Variants in NKAIN3 observed in about 807,000 individuals in gnomAD.
NKAIN3 encodes the protein sodium/potassium-transporting ATPase subunit beta-1-interacting protein 3.
NKAIN3 carries 25 observed loss-of-function variants against 30.2 expected under a neutral mutation model. That is an observed-to-expected ratio of 0.83 (90% CI 0.60 to 1.16). The LOEUF (loss-of-function observed/expected upper bound fraction) is 1.16, where lower values mean the gene tolerates loss of function less well. Ranked by LOEUF, NKAIN3 falls within the 50% of genes most tolerant of loss-of-function variation. NKAIN3 has a pLI of 0.00. For synonymous variants in NKAIN3, 91 were observed against 89.6 expected (o/e 1.02, Z -0.09); for missense variants, 225 against 254.1 (o/e 0.89, Z 0.78).
intron 4 of NKAIN3, among the ~76,000 whole-genome samples, chr8:62,906,359 T>G (rs1443084814): frequency 6.6e-6 from 1 of 152,240 alleles, no homozygotes. Context: ...ATGTTCAACT[T>G]AATGACTTTC....
chr8:62,309,354 A>C (rs760562623), intron 1 of NKAIN3, among the ~76,000 whole-genome samples: 9 of 150,606 alleles, frequency 6.0e-5, no homozygotes, highest in Non-Finnish European at 1.0e-4. Flanking sequence ...TTTACTGAGA[A>C]GGAAGTGTCC....
chr8:62,620,293 A>G (rs1379374543), intron 3 of NKAIN3, among the ~76,000 whole-genome samples: 1 of 152,094 alleles, frequency 6.6e-6, no homozygotes, highest in Non-Finnish European at 1.5e-5. Context: ...GGGTCTTATG[A>G]TCTTCACAGG....
intron 1 of NKAIN3, among the ~76,000 whole-genome samples, chr8:62,548,236 A>G (rs1809078754): frequency 6.6e-6 from 1 of 152,228 alleles, no homozygotes; most frequent in Non-Finnish European, 1.5e-5. Context: ...GCTAGAGTTG[A>G]ACTTTAATAA....
At chr8:62,600,167 AT>A (rs939173354) in intron 3 of NKAIN3, among the ~76,000 whole-genome samples, 55 of 152,140 alleles carry the variant, frequency 3.6e-4, no homozygotes, top group Admixed American at 3.0e-3. Context: ...TAATTGACTT[AT>A]CTTGAAAGGT....
chr8:62,568,906 C>T (rs998293363), intron 1 of NKAIN3, among the ~76,000 whole-genome samples: 12 of 152,148 alleles, frequency 7.9e-5, no homozygotes, highest in African/African-American at 2.7e-4. Context: ...ACAACCTAGA[C>T]AATCACACTT....
chr8:62,884,795 T>C (rs1464987430), intron 4 of NKAIN3, among the ~76,000 whole-genome samples: 2 of 152,238 alleles, frequency 1.3e-5, no homozygotes, highest in Non-Finnish European at 2.9e-5. Flanking sequence ...ATTGTCTTTT[T>C]GATGCCTATG....
At chr8:62,290,539 C>T (rs71392749) in intron 1 of NKAIN3, among the ~76,000 whole-genome samples, 1 of 152,094 alleles carries the variant, frequency 6.6e-6, no homozygotes, top group South Asian at 2.1e-4. Flanking sequence ...TGCTGGATTA[C>T]GTTTATTGAT....
intron 1 of NKAIN3, among the ~76,000 whole-genome samples, chr8:62,309,068 C>T (rs372189463): frequency 6.7e-6 from 1 of 150,172 alleles, no homozygotes; most frequent in East Asian, 1.9e-4. Context: ...AAAATAAAAC[C>T]ATAATTTTAA....
chr8:62,615,545 A>G (rs1328062797), intron 3 of NKAIN3, among the ~76,000 whole-genome samples: 1 of 152,084 alleles, frequency 6.6e-6, no homozygotes, highest in Non-Finnish European at 1.5e-5. Flanking sequence ...ACTAGAACTC[A>G]CCTAAGAGTT....
intron 1 of NKAIN3, among the ~76,000 whole-genome samples, chr8:62,534,158 G>A (rs372791248): frequency 1.1e-3 from 160 of 152,250 alleles, no homozygotes; most frequent in Non-Finnish European, 2.0e-3. Context: ...CATGAGATGA[G>A]AGCTCTGCCC....
intron 5 of NKAIN3, among the ~76,000 whole-genome samples, chr8:62,994,649 A>C (rs188677062): frequency 2.6e-5 from 4 of 152,328 alleles, no homozygotes; most frequent in African/African-American, 4.8e-5. Context: ...TCCTCATTTT[A>C]ACTGGAACAT....
chr8:62,979,317 T>G lies in NKAIN3; in HGVS notation c.*13910T>G, dbSNP rs1824022540. 1 of 152,100 alleles carries G rather than the reference T, an allele frequency of 6.6e-6. No homozygotes were observed. The highest frequency in any genetic ancestry group is 2.4e-5 in the African/African-American group (1 of 41,422). 9.4% of individuals were successfully genotyped at this position (152,100 alleles called of 1,614,324 possible). A position where few individuals can be genotyped will look rare whatever the true frequency, so the allele number is the denominator to read the frequency against. ...TCCAGGTTCTACTTATTAAGCAATA[T>G]CCCATGAAGTAGCTGAAAAGTGTTA... On this transcript the variant is annotated 3_prime_UTR_variant, in exon 7 of 7. Transcript: ENST00000623646.
intron 4 of NKAIN3, among the ~76,000 whole-genome samples, chr8:62,747,709 A>G (rs553916272): frequency 6.6e-6 from 1 of 152,340 alleles, no homozygotes; most frequent in Admixed American, 6.5e-5. Context: ...TTATTCCACC[A>G]GACTGCCCCA....
chr8:62,674,855 C>T (rs1396568837), intron 3 of NKAIN3, among the ~76,000 whole-genome samples: 2 of 152,162 alleles, frequency 1.3e-5, no homozygotes, highest in Non-Finnish European at 2.9e-5. Flanking sequence ...GATGGTCTTG[C>T]TCTGCTGCGC....
intron 1 of NKAIN3, among the ~76,000 whole-genome samples, chr8:62,513,484 C>A (rs1265176639): frequency 1.3e-5 from 2 of 152,154 alleles, no homozygotes; most frequent in South Asian, 4.2e-4. Flanking sequence ...AGGCCTCCTC[C>A]AGGAAGTGAT....
At chr8:62,880,028 C>T (rs1221123237) in intron 4 of NKAIN3, among the ~76,000 whole-genome samples, 2 of 152,188 alleles carry the variant, frequency 1.3e-5, no homozygotes, top group East Asian at 3.8e-4. Flanking sequence ...TTACAGCCTC[C>T]TCCGAGTAAG....
chr8:62,281,025 T>G (rs886279932), intron 1 of NKAIN3, among the ~76,000 whole-genome samples: 1 of 152,106 alleles, frequency 6.6e-6, no homozygotes. Flanking sequence ...TGGTTGGTAG[T>G]CTATTAATTG....
At chr8:62,434,547 G>A (rs1482534961) in intron 1 of NKAIN3, among the ~76,000 whole-genome samples, 3 of 152,092 alleles carry the variant, frequency 2.0e-5, no homozygotes, top group Non-Finnish European at 4.4e-5. Flanking sequence ...TGATTTTAGG[G>A]AAATTTTAGG....
chr8:62,920,204 A>G (rs1326257221), intron 5 of NKAIN3, among the ~76,000 whole-genome samples: 1 of 152,212 alleles, frequency 6.6e-6, no homozygotes, highest in Non-Finnish European at 1.5e-5. Flanking sequence ...AAATTAATAA[A>G]TTGATAAGTC....
Sources: allele counts gnomAD v4.1 joint callset (sites outside exome capture counted in the v4.1 genomes callset), GRCh38; gene constraint gnomAD v4.1.1; transcripts MANE v1.5; gene names NCBI Gene and HGNC (gene_info 2026-07-23, HGNC 2026-07-21).